The following SMYD3 variants were observed in gnomAD, a reference collection of about 807,000 sequenced individuals.
SMYD3 encodes histone-lysine N-methyltransferase SMYD3.
In SMYD3, 36 loss-of-function variants were observed where a neutral mutation model predicts 57.7. The observed-to-expected ratio is 0.62, with a 90% confidence interval of 0.48 to 0.82. The LOEUF (loss-of-function observed/expected upper bound fraction) is 0.82. SMYD3 is among the 40% of genes least tolerant of loss of function. The pLI, the probability that SMYD3 is intolerant of heterozygous loss-of-function variation, is 0.00. For synonymous variants in SMYD3, 211 were observed against 195.0 expected (o/e 1.08, Z -0.68); for missense variants, 515 against 538.8 (o/e 0.96, Z 0.44).
intron 1 of SMYD3, among the ~76,000 whole-genome samples, chr1:246,382,023 TC>T (rs1327708810): frequency 1.3e-5 from 1 of 74,380 alleles, no homozygotes; most frequent in African/African-American, 5.3e-5. Context: ...TAGCCCCAAA[TC>T]CCTCCAGCTG....
intron 10 of SMYD3, among the ~76,000 whole-genome samples, chr1:245,788,611 C>T (rs2047144713): frequency 6.6e-6 from 1 of 152,212 alleles, no homozygotes; most frequent in South Asian, 2.1e-4. Flanking sequence ...TCAGGCCATG[C>T]AGCAAGCTCT....
At chr1:246,236,234 G>A (rs1483668115) in intron 5 of SMYD3, among the ~76,000 whole-genome samples, 1 of 151,976 alleles carries the variant, frequency 6.6e-6, no homozygotes. Flanking sequence ...ATGGATAAAT[G>A]AATGAATGAA....
intron 5 of SMYD3, among the ~76,000 whole-genome samples, chr1:246,321,360 T>C (rs2065244973): frequency 6.6e-6 from 1 of 152,228 alleles, no homozygotes; most frequent in South Asian, 2.1e-4. Flanking sequence ...TACGTTATAG[T>C]TGATCCTCCT....
chr1:246,143,123 TAATACACACACACA>T (rs1336847213), intron 5 of SMYD3, among the ~76,000 whole-genome samples: 2 of 107,286 alleles, frequency 1.9e-5, no homozygotes, highest in Non-Finnish European at 3.8e-5. Context: ...GTTGTATATT[TAATACACACACACA>T]CACACACACA....
intron 8 of SMYD3, among the ~76,000 whole-genome samples, chr1:245,869,668 C>A (rs1002603461): frequency 1.3e-5 from 2 of 152,158 alleles, no homozygotes; most frequent in Non-Finnish European, 2.9e-5. Context: ...CCCTTGAATA[C>A]CGCCCTCCCA....
chr1:245,964,332 G>C (rs1039043761), intron 5 of SMYD3, among the ~76,000 whole-genome samples: 1 of 152,068 alleles, frequency 6.6e-6, no homozygotes, highest in Non-Finnish European at 1.5e-5. Flanking sequence ...AGCTTCGGAG[G>C]GGACAAAACA....
intron 5 of SMYD3, among the ~76,000 whole-genome samples, chr1:246,010,703 T>C (rs2059265671): frequency 6.6e-6 from 1 of 152,250 alleles, no homozygotes; most frequent in South Asian, 2.1e-4. Context: ...GGCAAACTCA[T>C]CCAATCTTAA....
At chr1:246,327,070 TA>T in intron 5 of SMYD3, 130 bp downstream of exon 5, 1 of 1,034,754 alleles carries the variant, frequency 9.7e-7, no homozygotes, top group Non-Finnish European at 1.5e-6. Context: ...CTCACTATGA[TA>T]AGGAAGTAAT....
intron 5 of SMYD3, among the ~76,000 whole-genome samples, chr1:246,240,168 C>G (rs565109318): frequency 5.9e-5 from 9 of 152,154 alleles, no homozygotes; most frequent in African/African-American, 2.2e-4. Context: ...CCTTGCCCCT[C>G]CCTAGGTCCT....
chr1:246,379,207 A>C (rs1052215092), intron 1 of SMYD3, among the ~76,000 whole-genome samples: 4 of 151,232 alleles, frequency 2.6e-5, no homozygotes, highest in African/African-American at 9.7e-5. Context: ...TCTTGAAACC[A>C]CTGAACTAAA....
intron 10 of SMYD3, among the ~76,000 whole-genome samples, chr1:245,824,335 A>C (rs2049348906): frequency 6.6e-6 from 1 of 152,266 alleles, no homozygotes; most frequent in African/African-American, 2.4e-5. Context: ...TTAGCTGTAT[A>C]CATGAATGGA....
intron 1 of SMYD3, among the ~76,000 whole-genome samples, chr1:246,495,348 CAAAAAAAA>C (rs11329443): frequency 4.5e-4 from 26 of 57,888 alleles, no homozygotes; most frequent in African/African-American, 1.9e-3. Context: ...GACTCCGTCT[CAAAAAAAA>C]AAAAAAAAAA....
At chr1:245,819,224 C>T (rs1383037815) in intron 10 of SMYD3, among the ~76,000 whole-genome samples, 5 of 140,688 alleles carry the variant, frequency 3.6e-5, no homozygotes, top group African/African-American at 5.3e-5. Context: ...CAAACTAGAA[C>T]TCAGGATTAA....
intron 1 of SMYD3, among the ~76,000 whole-genome samples, chr1:246,481,039 A>G (rs553266241): frequency 1.3e-5 from 2 of 152,122 alleles, no homozygotes; most frequent in African/African-American, 4.8e-5. Flanking sequence ...GCCTCAAGTG[A>G]TCCGTCCACC....
At chr1:246,463,704 C>T (rs1276062870) in intron 1 of SMYD3, among the ~76,000 whole-genome samples, 4 of 136,758 alleles carry the variant, frequency 2.9e-5, no homozygotes, top group African/African-American at 8.1e-5. Flanking sequence ...GGTGTTGTGG[C>T]GGGCGCCTGT....
intron 1 of SMYD3, among the ~76,000 whole-genome samples, chr1:246,459,227 TCCC>T (rs1235269947): frequency 5.3e-5 from 8 of 150,648 alleles, no homozygotes; most frequent in African/African-American, 2.0e-4. Flanking sequence ...GTGTGACACG[TCCC>T]CCTTCACTCT....
chr1:246,260,010 G>A (rs2063974321), intron 5 of SMYD3, among the ~76,000 whole-genome samples: 1 of 152,194 alleles, frequency 6.6e-6, no homozygotes, highest in Non-Finnish European at 1.5e-5. Flanking sequence ...CATAAAAGGG[G>A]TAGGGTGACT....
At chr1:246,364,239 A>G (rs2066060366) in intron 1 of SMYD3, among the ~76,000 whole-genome samples, 2 of 144,976 alleles carry the variant, frequency 1.4e-5, no homozygotes, top group South Asian at 4.4e-4. Context: ...AAAAAAAAAA[A>G]CCTGAATTGT....
intron 1 of SMYD3, among the ~76,000 whole-genome samples, chr1:246,383,703 T>C (rs1347265174): frequency 6.6e-6 from 1 of 152,212 alleles, no homozygotes; most frequent in African/African-American, 2.4e-5. Flanking sequence ...GGCTCATGCC[T>C]GTAATCCCAG....
Sources: gnomAD v4.1 joint callset for allele counts (sites outside exome capture counted in the v4.1 genomes callset) on GRCh38, gnomAD v4.1.1 for gene constraint, MANE v1.5 for transcripts, NCBI Gene and HGNC (gene_info 2026-07-23, HGNC 2026-07-21) for gene names.